The following ARL15 variants were observed in gnomAD, a reference collection of about 807,000 sequenced individuals.
The protein encoded by ARL15 is ADP-ribosylation factor-like protein 15.
ARL15 carries 19 observed loss-of-function variants against 25.2 expected under a neutral mutation model. The ratio of observed to expected loss-of-function variants is 0.75; its 90% CI spans 0.53 to 1.10. ARL15 has a LOEUF of 1.10. Ranked by LOEUF, ARL15 falls within the 50% of genes least tolerant of loss-of-function variation. The pLI is 0.00. For synonymous variants in ARL15, 94 were observed against 86.8 expected (o/e 1.08, Z -0.46); for missense variants, 220 against 246.0 (o/e 0.89, Z 0.71).
At chr5:54,056,257 A>C (rs1579746149) in intron 4 of ARL15, among the ~76,000 whole-genome samples, 1 of 152,072 alleles carries the variant, frequency 6.6e-6, no homozygotes, top group South Asian at 2.1e-4. Context: ...AAAGAGTTTA[A>C]CCCAATAGTG....
At chr5:54,139,702 T>C (rs1753715050) in intron 3 of ARL15, among the ~76,000 whole-genome samples, 1 of 152,072 alleles carries the variant, frequency 6.6e-6, no homozygotes, top group Admixed American at 6.6e-5. Flanking sequence ...CATGGTGATA[T>C]CCACTTGTAG....
At chr5:54,044,240 ATTTTTTTTT>A (rs1196537602) in intron 4 of ARL15, among the ~76,000 whole-genome samples, 1 of 128,742 alleles carries the variant, frequency 7.8e-6, no homozygotes, top group African/African-American at 3.0e-5. Context: ...CCATTATTTA[ATTTTTTTTT>A]TTTTTTTTTT....
At chr5:53,938,768 T>TG (rs1190706981) in intron 4 of ARL15, among the ~76,000 whole-genome samples, 1 of 152,168 alleles carries the variant, frequency 6.6e-6, no homozygotes, top group Non-Finnish European at 1.5e-5. Context: ...CGCTTGAACC[T>TG]GGGAGGTAGA....
At chr5:53,949,694 A>G (rs1389129149) in intron 4 of ARL15, among the ~76,000 whole-genome samples, 1 of 152,228 alleles carries the variant, frequency 6.6e-6, no homozygotes, top group Admixed American at 6.5e-5. Context: ...TGCCTACAAG[A>G]GTTAACCTCT....
intron 1 of ARL15, among the ~76,000 whole-genome samples, chr5:54,190,932 C>T (rs1299978652): frequency 6.6e-6 from 1 of 152,156 alleles, no homozygotes; most frequent in Non-Finnish European, 1.5e-5. Context: ...GAATTATCAT[C>T]TGATCCAATA....
intron 4 of ARL15, among the ~76,000 whole-genome samples, chr5:53,991,280 G>A (rs1437640007): frequency 6.6e-6 from 1 of 152,026 alleles, no homozygotes; most frequent in East Asian, 1.9e-4. Context: ...GGTGGCTCAC[G>A]CCTGTAATCC....
At chr5:54,302,361 A>T (rs1255961669) in intron 1 of ARL15, among the ~76,000 whole-genome samples, 1 of 152,220 alleles carries the variant, frequency 6.6e-6, no homozygotes, top group African/African-American at 2.4e-5. Flanking sequence ...AATTCTGGGC[A>T]ACACTCAACC....
chr5:54,144,511 A>G (rs1753854008), intron 3 of ARL15, among the ~76,000 whole-genome samples: 1 of 152,170 alleles, frequency 6.6e-6, no homozygotes, highest in South Asian at 2.1e-4. Context: ...TCATGAATAC[A>G]TCTCTCTGAA....
At chr5:54,172,895 T>C (rs1487392007) in intron 1 of ARL15, among the ~76,000 whole-genome samples, 1 of 152,170 alleles carries the variant, frequency 6.6e-6, no homozygotes, top group East Asian at 1.9e-4. Context: ...CTATGAACTG[T>C]AGTATAGTTT....
intron 2 of ARL15, among the ~76,000 whole-genome samples, chr5:54,169,171 C>A (rs1754655689): frequency 6.6e-6 from 1 of 152,116 alleles, no homozygotes; most frequent in Non-Finnish European, 1.5e-5. Flanking sequence ...AAATTATATA[C>A]AGATAATCTT....
intron 1 of ARL15, among the ~76,000 whole-genome samples, chr5:54,192,365 A>G (rs1755428188): frequency 6.6e-6 from 1 of 151,868 alleles, no homozygotes; most frequent in African/African-American, 2.4e-5. Flanking sequence ...TTACTTACTC[A>G]GTAATTTACT....
At position 54,154,418 on chromosome 5, in the gene ARL15, A is replaced by AAT; in HGVS notation, c.253+161_253+162insAT. 7.7e-6 allele frequency: 4 copies of AAT among 517,270 alleles called. No homozygotes were observed. In the South Asian group the frequency reaches 1.3e-4, roughly 17 times the overall value. The allele number at this position is 517,270 out of a possible 1,614,324, so 32.0% of individuals were successfully genotyped here. A position where few individuals can be genotyped will look rare whatever the true frequency, so the allele number is the denominator to read the frequency against. ...CTTAGAACTCTTCAACAATTTTTAAAACATACGAAGAGAAGGAAATATTTC... is the reference window on the plus strand; with the variant it reads ...CTTAGAACTCTTCAACAATTTTTAAAATACATACGAAGAGAAGGAAATATTTC... On this transcript the variant is annotated intron_variant, in intron 3 of 4. Coordinates refer to ENST00000504924, the MANE Select transcript of ARL15 (RefSeq NM_019087.3).
chr5:54,275,671 ATAT>A (rs1757909031), intron 1 of ARL15, among the ~76,000 whole-genome samples: 1 of 150,368 alleles, frequency 6.7e-6, no homozygotes, highest in Non-Finnish European at 1.5e-5. Flanking sequence ...TTAAAATTTT[ATAT>A]TATTATTATT....
chr5:54,147,068 G>C (rs1287867232), intron 3 of ARL15, among the ~76,000 whole-genome samples: 1 of 152,106 alleles, frequency 6.6e-6, no homozygotes, highest in African/African-American at 2.4e-5. Context: ...TCAGATAGCT[G>C]TGGCCTTTTA....
chr5:54,266,149 A>C (rs1019241742), intron 1 of ARL15, among the ~76,000 whole-genome samples: 34 of 152,224 alleles, frequency 2.2e-4, no homozygotes, highest in African/African-American at 8.0e-4. Context: ...TTTTGAGCCT[A>C]AGCACCTTCA....
intron 1 of ARL15, among the ~76,000 whole-genome samples, chr5:54,213,922 T>C (rs1756111641): frequency 6.6e-6 from 1 of 152,214 alleles, no homozygotes; most frequent in East Asian, 1.9e-4. Flanking sequence ...TTTAATTTAG[T>C]TGAGCAACAA....
chr5:53,913,147 T>C (rs954480186), intron 4 of ARL15, among the ~76,000 whole-genome samples: 2 of 152,010 alleles, frequency 1.3e-5, no homozygotes, highest in Non-Finnish European at 2.9e-5. Context: ...AAAAATTTTT[T>C]TAAAAATTAG....
At chr5:54,208,893 G>T (rs572069045) in intron 1 of ARL15, among the ~76,000 whole-genome samples, 1 of 152,280 alleles carries the variant, frequency 6.6e-6, no homozygotes, top group African/African-American at 2.4e-5. Context: ...ATGTCACCAA[G>T]AAGATGAACT....
At chr5:54,238,671 A>T (rs1049819032) in intron 1 of ARL15, among the ~76,000 whole-genome samples, 1 of 152,256 alleles carries the variant, frequency 6.6e-6, no homozygotes, top group African/African-American at 2.4e-5. Flanking sequence ...TCAAAGAACA[A>T]GAAAAACCTT....
Sources: gnomAD v4.1 joint callset for allele counts (sites outside exome capture counted in the v4.1 genomes callset) on GRCh38, gnomAD v4.1.1 for gene constraint, MANE v1.5 for transcripts, NCBI Gene and HGNC (gene_info 2026-07-23, HGNC 2026-07-21) for gene names.